Variants in CDH13 observed in about 807,000 individuals in gnomAD.
CDH13 encodes the protein cadherin-13.
A neutral mutation model predicts 63.8 loss-of-function variants in CDH13; 24 were observed. That is an observed-to-expected ratio of 0.38 (90% confidence interval 0.27 to 0.53). The LOEUF is 0.53. Ranked by LOEUF, CDH13 falls within the 20% of genes least tolerant of loss-of-function variation. The probability of loss-of-function intolerance (pLI) is 0.85; values close to 1 mark genes in which losing one functional copy is unlikely to be tolerated. For synonymous variants in CDH13, 503 were observed against 355.3 expected (o/e 1.42, Z -4.67); for missense variants, 1,049 against 903.1 (o/e 1.16, Z -2.07).
intron 8 of CDH13, among the ~76,000 whole-genome samples, chr16:83,637,496 C>A (rs578119655): frequency 1.4e-5 from 1 of 71,406 alleles, no homozygotes; most frequent in Non-Finnish European, 2.7e-5. Context: ...GTTCCCTTTC[C>A]GAGTCAAAGA....
intron 12 of CDH13, 25 bp downstream of exon 12, chr16:83,780,226 C>A: frequency 1.4e-6 from 2 of 1,420,828 alleles, no homozygotes; most frequent in Non-Finnish European, 1.9e-6. Flanking sequence ...AGCATTTCTG[C>A]CTATTCTTCC....
chr16:82,880,093 C>G (rs2040647908), intron 2 of CDH13, among the ~76,000 whole-genome samples: 1 of 150,818 alleles, frequency 6.6e-6, no homozygotes, highest in East Asian at 1.9e-4. Context: ...TATATTATTT[C>G]AAACCTCACT....
chr16:83,712,571 C>T (rs1186930263), intron 10 of CDH13, among the ~76,000 whole-genome samples: 5 of 152,216 alleles, frequency 3.3e-5, no homozygotes, highest in Non-Finnish European at 7.3e-5. Flanking sequence ...CCCTCAAGGT[C>T]TGGAGAAGCA....
chr16:82,830,480 C>T (rs1175696275), intron 1 of CDH13, among the ~76,000 whole-genome samples: 1 of 151,900 alleles, frequency 6.6e-6, no homozygotes, highest in African/African-American at 2.4e-5. Context: ...ATTTCTTGAA[C>T]AAATGGGGAG....
chr16:82,835,406 G>C (rs2038724393), intron 1 of CDH13, among the ~76,000 whole-genome samples: 1 of 152,132 alleles, frequency 6.6e-6, no homozygotes, highest in Non-Finnish European at 1.5e-5. Context: ...AAACTCCAAA[G>C]CTACCCCAAT....
At position 83,707,836 on chromosome 16, in the gene CDH13, C is replaced by CAAAAAAAAAAAAAAAA. The variant is rs61067563; in HGVS notation, c.1538+29382_1538+29397dup. Among the ~76,000 whole-genome samples the CAAAAAAAAAAAAAAAA allele has an allele frequency of 1.5e-3, 122 of 78,864 alleles. 14 individuals are homozygous for CAAAAAAAAAAAAAAAA. Among genetic ancestry groups the CAAAAAAAAAAAAAAAA allele is most frequent in the Non-Finnish European group, 1.8e-3 (78 of 43,024 alleles). The allele number at this position is 78,864 out of a possible 152,430, so 51.7% of individuals were successfully genotyped here. ...CATCTTTGGTGAGAGACCCTAAAGG[C>CAAAAAAAAAAAAAAAA]AAAAAAAAAAAAAAAAAAAAAAGAG... On this transcript the variant is annotated intron_variant, in intron 10 of 13. Coordinates refer to ENST00000567109, the MANE Select transcript of CDH13 (RefSeq NM_001257.5).
intron 7 of CDH13, among the ~76,000 whole-genome samples, chr16:83,521,480 CG>C (rs1373607726): frequency 6.6e-6 from 1 of 152,156 alleles, no homozygotes; most frequent in Admixed American, 6.5e-5. Context: ...AACACCAATA[CG>C]GTGTCAACAA....
chr16:83,207,765 A>G (rs2039225814), intron 4 of CDH13, among the ~76,000 whole-genome samples: 1 of 128,714 alleles, frequency 7.8e-6, no homozygotes, highest in Non-Finnish European at 1.5e-5. Flanking sequence ...CTCTCCTTAA[A>G]AAAAAAAAAA....
At chr16:83,189,129 TGATA>T (rs377175386) in intron 4 of CDH13, among the ~76,000 whole-genome samples, 1 of 152,110 alleles carries the variant, frequency 6.6e-6, no homozygotes, top group African/African-American at 2.4e-5. Flanking sequence ...TTTTGCTTTG[TGATA>T]GATAAGGCAA....
chr16:83,744,334 G>A (rs761463601), intron 10 of CDH13, among the ~76,000 whole-genome samples: 1 of 152,228 alleles, frequency 6.6e-6, no homozygotes, highest in Non-Finnish European at 1.5e-5. Flanking sequence ...GGAGACGTAT[G>A]AGTGGGGTCT....
chr16:83,622,432 T>C (rs17688046), intron 8 of CDH13, among the ~76,000 whole-genome samples: 15,735 of 152,168 alleles, frequency 0.1, 1,007 homozygotes, highest in Non-Finnish European at 0.14. Flanking sequence ...GACGAGAAAG[T>C]CAAAAAACCT....
At chr16:83,619,955 C>T (rs568180163) in intron 8 of CDH13, among the ~76,000 whole-genome samples, 33 of 152,234 alleles carry the variant, frequency 2.2e-4, no homozygotes, top group African/African-American at 7.7e-4. Context: ...GAACTGAAAG[C>T]CACCCAGGGT....
At chr16:83,126,666 A>G (rs894014875) in intron 4 of CDH13, among the ~76,000 whole-genome samples, 1 of 152,236 alleles carries the variant, frequency 6.6e-6, no homozygotes, top group Admixed American at 6.5e-5. Context: ...CAAGGGAGTC[A>G]GAAATTAAAC....
intron 1 of CDH13, among the ~76,000 whole-genome samples, chr16:82,667,554 A>C (rs74028521): frequency 3.5e-5 from 5 of 144,286 alleles, no homozygotes; most frequent in Admixed American, 1.4e-4. Flanking sequence ...CGAGTTAAGA[A>C]GGAAGCCCTT....
intron 5 of CDH13, among the ~76,000 whole-genome samples, chr16:83,337,467 C>G (rs1169301580): frequency 1.3e-5 from 2 of 152,074 alleles, no homozygotes; most frequent in African/African-American, 4.8e-5. Flanking sequence ...CTACCATGCC[C>G]CCTTGAAGTA....
intron 4 of CDH13, among the ~76,000 whole-genome samples, chr16:83,210,149 C>G (rs2039299757): frequency 6.6e-6 from 1 of 151,762 alleles, no homozygotes; most frequent in African/African-American, 2.4e-5. Context: ...ACTGCAACCT[C>G]TGCCTCCCGG....
Position 82,973,282 on chromosome 16 carries a change from C to A in CDH13, c.158-58728C>A, listed in dbSNP as rs75010694. On this transcript the variant is annotated intron_variant, in intron 2 of 13. Coordinates refer to ENST00000567109, the MANE Select transcript of CDH13 (RefSeq NM_001257.5). ...GATGCTCAGACGGTCTGCATCCCTC[C>A]TCTTTGCCGTCCTTCTCCTTTGCTC... Among the ~76,000 whole-genome samples the A allele has an allele frequency of 8.5e-5, 13 of 152,338 alleles. No homozygotes were observed. The East Asian group carries it at 2.5e-3, about 29-fold the overall frequency.
chr16:82,693,633 A>C (rs539101035), intron 1 of CDH13, among the ~76,000 whole-genome samples: 3 of 152,324 alleles, frequency 2.0e-5, no homozygotes, highest in Middle Eastern at 3.4e-3. Flanking sequence ...ACCACATCCA[A>C]ATGATAAGTT....
chr16:83,751,528 G>T (rs1243347227), intron 11 of CDH13, among the ~76,000 whole-genome samples: 3 of 152,294 alleles, frequency 2.0e-5, no homozygotes, highest in South Asian at 2.1e-4. Context: ...GAGGAGGGAG[G>T]CATTAGGCAG....
Sources: allele counts gnomAD v4.1 joint callset (sites outside exome capture counted in the v4.1 genomes callset), GRCh38; gene constraint gnomAD v4.1.1; transcripts MANE v1.5; gene names NCBI Gene and HGNC (gene_info 2026-07-23, HGNC 2026-07-21).